Variants in PTPRQ observed in about 807,000 individuals in gnomAD.
The protein encoded by PTPRQ is phosphatidylinositol phosphatase PTPRQ.
Under a neutral mutation model 246.0 loss-of-function variants are expected in PTPRQ, and 199 were observed. The ratio of observed to expected loss-of-function variants is 0.81; its 90% confidence interval spans 0.72 to 0.91. The LOEUF (loss-of-function observed/expected upper bound fraction) is 0.91. PTPRQ is among the 40% of genes least tolerant of loss of function. The pLI is 0.00. For synonymous variants in PTPRQ, 869 were observed against 853.2 expected (o/e 1.02, Z -0.32); for missense variants, 2,624 against 2,528.4 (o/e 1.04, Z -0.81).
At chr12:80,590,717 T>C (rs970628684) in intron 26 of PTPRQ, among the ~76,000 whole-genome samples, 2 of 151,242 alleles carry the variant, frequency 1.3e-5, no homozygotes, top group African/African-American at 4.9e-5. Flanking sequence ...CCATGGCTCT[T>C]AGAATAAATT....
At chr12:80,454,261 G>A (rs931029601) in intron 3 of PTPRQ, among the ~76,000 whole-genome samples, 1 of 150,168 alleles carries the variant, frequency 6.7e-6, no homozygotes, top group East Asian at 1.9e-4. Context: ...GATTTTCCAG[G>A]TGCCATCTGT....
chr12:80,565,404 A>G (rs375364276), intron 25 of PTPRQ, among the ~76,000 whole-genome samples: 2 of 152,284 alleles, frequency 1.3e-5, no homozygotes, highest in African/African-American at 4.8e-5. Flanking sequence ...GAACTGGTGC[A>G]TATCTTATTA....
intron 9 of PTPRQ, among the ~76,000 whole-genome samples, chr12:80,489,570 A>G (rs1894381609): frequency 6.6e-6 from 1 of 151,998 alleles, no homozygotes. Context: ...GGTCCTTCAT[A>G]TCATGGATTA....
chr12:80,557,947 T>C (rs1293464628), intron 25 of PTPRQ, among the ~76,000 whole-genome samples: 2 of 152,088 alleles, frequency 1.3e-5, no homozygotes, highest in East Asian at 3.9e-4. Context: ...TTAACAATGT[T>C]ATATAAGTGG....
intron 17 of PTPRQ, among the ~76,000 whole-genome samples, chr12:80,516,161 A>G (rs567876154): frequency 2.6e-5 from 4 of 152,300 alleles, no homozygotes; most frequent in Non-Finnish European, 5.9e-5. Context: ...TTTTGAATTG[A>G]GGCATGATGT....
intron 39 of PTPRQ, among the ~76,000 whole-genome samples, chr12:80,658,778 C>T (rs1390264126): frequency 6.6e-6 from 1 of 152,028 alleles, no homozygotes; most frequent in Non-Finnish European, 1.5e-5. Flanking sequence ...TAACCATCTT[C>T]ATTATGGTGA....
intron 35 of PTPRQ, among the ~76,000 whole-genome samples, chr12:80,647,533 G>A (rs183483810): frequency 6.6e-6 from 1 of 152,172 alleles, no homozygotes; most frequent in Admixed American, 6.5e-5. Flanking sequence ...TCGCTGAGGG[G>A]TAATTATTTT....
At position 80,647,118 on chromosome 12, in the gene PTPRQ, G is replaced by A. The variant is rs547250600; in HGVS notation, c.5916-1779G>A. ...TCAGTAAAAATACTTTTGCAGTACCGGCTCAAATGATCCTCTAGGAAAAAG... is the reference window on the plus strand; with the variant it reads ...TCAGTAAAAATACTTTTGCAGTACCAGCTCAAATGATCCTCTAGGAAAAAG... On this transcript the variant is annotated intron_variant, in intron 35 of 44. Coordinates refer to ENST00000644991, the MANE Select transcript of PTPRQ (RefSeq NM_001145026.2). Among the ~76,000 whole-genome samples, 10 of 152,136 alleles carry A rather than the reference G, an allele frequency of 6.6e-5. No individual in the cohort carries two copies. In the East Asian group the frequency reaches 7.7e-4, roughly 12 times the overall value.
At chr12:80,555,363 T>C (rs915940783) in intron 25 of PTPRQ, among the ~76,000 whole-genome samples, 1 of 152,176 alleles carries the variant, frequency 6.6e-6, no homozygotes, top group Non-Finnish European at 1.5e-5. Flanking sequence ...CAATCTAGCT[T>C]ATTTGTTAAA....
intron 29 of PTPRQ, among the ~76,000 whole-genome samples, chr12:80,614,698 T>C (rs1372703389): frequency 6.6e-6 from 1 of 150,906 alleles, no homozygotes; most frequent in Non-Finnish European, 1.5e-5. Flanking sequence ...AGACGGTGAC[T>C]AAGAGAATAA....
At chr12:80,671,043 C>T (rs1270197762) in intron 42 of PTPRQ, among the ~76,000 whole-genome samples, 1 of 151,772 alleles carries the variant, frequency 6.6e-6, no homozygotes, top group South Asian at 2.1e-4. Flanking sequence ...CAGGAGTGTA[C>T]TATAATTAAT....
rs1199245141 is a variant in PTPRQ at position 80,506,683 on chromosome 12, G to C, written c.2557+13G>C. 6.5e-7 allele frequency: 1 copy of C among 1,532,586 alleles called. No homozygotes were observed. The highest frequency in any genetic ancestry group is 8.8e-7 in the Non-Finnish European group (1 of 1,136,458). 94.9% of individuals were successfully genotyped at this position (1,532,586 alleles called of 1,614,324 possible). A position where few individuals can be genotyped will look rare whatever the true frequency, so the allele number is the denominator to read the frequency against. Reference sequence around the variant, plus strand: ...ACGGAGGAAGATGGTAAATATAATAGTGGATATTGATATACTTTGATTCTA... The same window carrying C: ...ACGGAGGAAGATGGTAAATATAATACTGGATATTGATATACTTTGATTCTA... On this transcript the variant is annotated intron_variant, in intron 16 of 44. Coordinates refer to ENST00000644991, the MANE Select transcript of PTPRQ (RefSeq NM_001145026.2).
chr12:80,556,014 G>A (rs192474858), intron 25 of PTPRQ, among the ~76,000 whole-genome samples: 29 of 152,060 alleles, frequency 1.9e-4, no homozygotes, highest in African/African-American at 6.5e-4. Flanking sequence ...ATAATATGTT[G>A]GTCAATTTTG....
At chr12:80,665,658 T>A (rs944941783) in intron 39 of PTPRQ, among the ~76,000 whole-genome samples, 16 of 151,904 alleles carry the variant, frequency 1.1e-4, no homozygotes, top group African/African-American at 3.9e-4. Flanking sequence ...ACAGAATGAA[T>A]AGACAATCTG....
intron 8 of PTPRQ, among the ~76,000 whole-genome samples, chr12:80,481,946 C>T (rs1894078183): frequency 7.1e-6 from 1 of 140,458 alleles, no homozygotes; most frequent in Non-Finnish European, 1.5e-5. Context: ...AATGGCCATA[C>T]TGCCCAAGGT....
chr12:80,497,126 T>C (rs527363491), intron 14 of PTPRQ, among the ~76,000 whole-genome samples: 3 of 152,070 alleles, frequency 2.0e-5, no homozygotes, highest in East Asian at 3.9e-4. Context: ...TTCTGGATGA[T>C]TCAAGCACGT....
chr12:80,644,052 C>T (rs1391762206), intron 35 of PTPRQ, among the ~76,000 whole-genome samples: 1 of 152,142 alleles, frequency 6.6e-6, no homozygotes, highest in Non-Finnish European at 1.5e-5. Context: ...ATCTGTGGCT[C>T]TCTATTAGGA....
chr12:80,585,242 T>A (rs1006767593), intron 25 of PTPRQ, among the ~76,000 whole-genome samples: 9 of 152,156 alleles, frequency 5.9e-5, no homozygotes, highest in African/African-American at 1.9e-4. Flanking sequence ...AGTGACTTCA[T>A]CTTTTTATTT....
intron 15 of PTPRQ, 33 bp downstream of exon 15, chr12:80,506,239 A>G (rs1894956961): frequency 2.8e-6 from 4 of 1,436,202 alleles, no homozygotes; most frequent in Non-Finnish European, 3.7e-6. Context: ...GGATATTTGC[A>G]TTTATAATGA....
Sources: gnomAD v4.1 joint callset for allele counts (sites outside exome capture counted in the v4.1 genomes callset) on GRCh38, gnomAD v4.1.1 for gene constraint, MANE v1.5 for transcripts, NCBI Gene and HGNC (gene_info 2026-07-23, HGNC 2026-07-21) for gene names.